Variants in SLF1 observed in about 807,000 individuals in gnomAD.
SLF1 encodes SMC5-SMC6 complex localization factor protein 1.
In SLF1, 105 loss-of-function variants were observed where a neutral mutation model predicts 123.0. That is an observed-to-expected ratio of 0.85 (90% CI 0.73 to 1.00). The LOEUF (loss-of-function observed/expected upper bound fraction) is 1.00. SLF1 is among the 50% of genes least tolerant of loss of function. The pLI is 0.00. For synonymous variants in SLF1, 434 were observed against 406.6 expected, an observed-to-expected ratio of 1.07 and a Z score of -0.81; for missense variants, 1,239 against 1,223.0, an observed-to-expected ratio of 1.01 and a Z score of -0.20.
chr5:94,680,027 A>T (rs2152494246), intron 15 of SLF1, among the ~76,000 whole-genome samples: 1 of 152,310 alleles, frequency 6.6e-6, no homozygotes, highest in Middle Eastern at 3.4e-3. Context: ...TACCTATAAA[A>T]GATTATTTTT....
chr5:94,624,245 A>G (rs1005611435), intron 1 of SLF1, among the ~76,000 whole-genome samples: 3 of 152,182 alleles, frequency 2.0e-5, no homozygotes, highest in Non-Finnish European at 2.9e-5. Context: ...TTTCCTCCGC[A>G]TGTTTAACTT....
At position 94,643,369 on chromosome 5, in the gene SLF1, GA is replaced by G. The variant is rs1357974166; in HGVS notation, c.531del (p.Glu178LysfsTer15). The G allele has an allele frequency of 6.5e-7, 1 of 1,542,804 alleles. No homozygotes were observed. The highest frequency in any genetic ancestry group is 2.5e-5 in the East Asian group (1 of 40,610). On this transcript the variant is annotated frameshift_variant, in exon 5 of 21. Transcript: ENST00000265140. LOFTEE classifies it high-confidence loss of function. Reference protein sequence around the residue: ...IASNARIKAEKEKDNFKAPFY... With the variant: ...IASNARIKAEXEKDNFKAPFY... ...CCAGTAATGCAAGAATTAAAGCTGA[GA>G]AAGAAAAAGATAACTTTAAGGCTCC...
At chr5:94,659,870 G>A (rs1363943439) in intron 9 of SLF1, among the ~76,000 whole-genome samples, 8 of 152,170 alleles carry the variant, frequency 5.3e-5, no homozygotes, top group Admixed American at 1.3e-4. Flanking sequence ...AGGTCTCTGG[G>A]TGGTGTGCAT....
rs1273323839 is a variant in SLF1 at position 94,648,504 on chromosome 5, T to C, written c.595-950T>C. Among the ~76,000 whole-genome samples, 4 of 152,318 alleles carry C rather than the reference T, an allele frequency of 2.6e-5. No homozygotes were observed. In the South Asian group the frequency reaches 6.2e-4, roughly 24 times the overall value. On this transcript the variant is annotated intron_variant, in intron 5 of 20. Coordinates refer to ENST00000265140, the MANE Select transcript of SLF1 (RefSeq NM_032290.4). ...TGAAAATAGCCTTTCTTTCTTTAGA[T>C]GGAGTCTCGCTCTGTTACCCAGGCT...
intron 12 of SLF1, among the ~76,000 whole-genome samples, chr5:94,669,733 T>C (rs1182492506): frequency 2.0e-5 from 3 of 152,002 alleles, no homozygotes; most frequent in African/African-American, 7.2e-5. Flanking sequence ...AATCTTCATT[T>C]ACTAACTAAT....
At chr5:94,659,384 C>T (rs1050901872) in intron 9 of SLF1, among the ~76,000 whole-genome samples, 9 of 152,098 alleles carry the variant, frequency 5.9e-5, no homozygotes, top group African/African-American at 2.2e-4. Context: ...TGTTCCTTTA[C>T]AGGTGCCATG....
intron 15 of SLF1, among the ~76,000 whole-genome samples, chr5:94,685,128 A>G (rs1752268710): frequency 6.6e-6 from 1 of 152,252 alleles, no homozygotes; most frequent in Admixed American, 6.5e-5. Flanking sequence ...ACAAGACACT[A>G]GAGCCCCAGC....
intron 15 of SLF1, among the ~76,000 whole-genome samples, chr5:94,682,926 T>C (rs1751981504): frequency 6.6e-6 from 1 of 152,208 alleles, no homozygotes; most frequent in Non-Finnish European, 1.5e-5. Flanking sequence ...AACTTTGCAG[T>C]TGTAGTAAGA....
chr5:94,660,971 G>A lies in SLF1; in HGVS notation c.1156-1327G>A, dbSNP rs1749031604. Among the ~76,000 whole-genome samples the A allele has an allele frequency of 4.6e-5, 7 of 152,118 alleles. No individual in the cohort carries two copies. In the South Asian group the frequency reaches 1.5e-3, roughly 32 times the overall value. On this transcript the variant is annotated intron_variant, in intron 9 of 20. Transcript: ENST00000265140. The stretch of plus-strand genomic sequence containing the variant: ...CCACCTAGTTGCATTGTTGACTCCA[G>A]CTGGCATCATGACACTGCAGCTCTC...
At chr5:94,620,748 T>C (rs1469835086) in intron 1 of SLF1, among the ~76,000 whole-genome samples, 1 of 152,196 alleles carries the variant, frequency 6.6e-6, no homozygotes. Context: ...AGAAAATATA[T>C]CTGTATAATG....
rs747690217 is a variant in SLF1 at position 94,678,859 on chromosome 5, A to G, written c.1879A>G (p.Ile627Val). The change falls in exon 15 of 21, where the codon ATA (isoleucine) becomes GTA (valine). Residue 627 changes from isoleucine (I) to valine (V), a missense_variant. Ile to Val is a conservative substitution (Grantham distance 29). Coordinates refer to ENST00000265140, the MANE Select transcript of SLF1 (RefSeq NM_032290.4). ...YLLAGILGAAIDYWIFLGLKM... is the reference protein window; with the variant it reads ...YLLAGILGAAVDYWIFLGLKM... ...ATTGGCTGGAATTCTTGGAGCAGCA[A>G]TAGATTATTGGATTTTCCTTGGTCT... 8.7e-6 allele frequency: 14 copies of G among 1,613,768 alleles called. No individual in the cohort carries two copies. The East Asian group carries it at 2.0e-4, about 23-fold the overall frequency.
chr5:94,639,731 C>T (rs1231040598), intron 4 of SLF1, among the ~76,000 whole-genome samples: 1 of 152,172 alleles, frequency 6.6e-6, no homozygotes. Context: ...AATATATTTA[C>T]TATTCATTAA....
intron 17 of SLF1, 76 bp from the exon 18 acceptor site, chr5:94,689,397 A>T: frequency 6.9e-7 from 1 of 1,440,362 alleles, no homozygotes; most frequent in Non-Finnish European, 9.3e-7. Flanking sequence ...CTAGACTTTT[A>T]AAAAATACCA....
chr5:94,668,491 G>A (rs892604196), intron 12 of SLF1, among the ~76,000 whole-genome samples: 1 of 152,020 alleles, frequency 6.6e-6, no homozygotes, highest in African/African-American at 2.4e-5. Context: ...GCGCCACCAC[G>A]CCTTGCTGAT....
chr5:94,625,354 C>T (rs1274972780), intron 1 of SLF1, among the ~76,000 whole-genome samples: 1 of 151,572 alleles, frequency 6.6e-6, no homozygotes, highest in East Asian at 1.9e-4. Context: ...CTAAAAAGAC[C>T]TATCATTTTC....
intron 7 of SLF1, 71 bp from the exon 8 acceptor site, chr5:94,653,201 C>T (rs1747956649): frequency 1.5e-6 from 2 of 1,360,236 alleles, no homozygotes; most frequent in Non-Finnish European, 2.0e-6. Flanking sequence ...GAAAGTCACT[C>T]TTGAGTTTAT....
intron 15 of SLF1, among the ~76,000 whole-genome samples, chr5:94,684,188 C>G (rs1378552527): frequency 1.3e-5 from 2 of 152,148 alleles, no homozygotes; most frequent in Non-Finnish European, 2.9e-5. Flanking sequence ...TTGCCTCTGT[C>G]TAGAGTTCTT....
rs753090303 is a variant in SLF1 at position 94,695,268 on chromosome 5, A to G, written c.3133A>G (p.Ile1045Val). ...TGGGGTACACACTGAGGCCTTGATGATAACATTGGAAATGATGTGTCGGTC... is the reference window on the plus strand; with the variant it reads ...TGGGGTACACACTGAGGCCTTGATGGTAACATTGGAAATGATGTGTCGGTC... ...CPGVHTEALM[I>V]TLEMMCRSVM... The change falls in exon 21 of 21, where the codon ATA becomes GTA. Residue 1045 changes from isoleucine (I) to valine (V), a missense_variant. Physicochemically the swap from Ile to Val is conservative, Grantham distance 29 (BLOSUM62 3). Coordinates refer to ENST00000265140, the MANE Select transcript of SLF1 (RefSeq NM_032290.4). 15 of 1,611,484 alleles carry G rather than the reference A, an allele frequency of 9.3e-6. No homozygotes were observed. Among genetic ancestry groups the G allele is most frequent in the South Asian group, 2.2e-5 (2 of 90,912 alleles).
intron 18 of SLF1, 94 bp downstream of exon 18, chr5:94,689,700 G>T: frequency 1.7e-6 from 2 of 1,145,106 alleles, no homozygotes; most frequent in South Asian, 1.7e-5. Context: ...ATGAATACTT[G>T]AACTTAAATA....
Sources: gnomAD v4.1 joint callset for allele counts (sites outside exome capture counted in the v4.1 genomes callset) on GRCh38, gnomAD v4.1.1 for gene constraint, MANE v1.5 for transcripts, NCBI Gene and HGNC (gene_info 2026-07-23, HGNC 2026-07-21) for gene names.